The following SHC3 variants were observed in gnomAD, a reference collection of about 807,000 sequenced individuals.
SHC3 encodes the protein SHC-transforming protein 3.
A neutral mutation model predicts 60.4 loss-of-function variants in SHC3; 15 were observed. The ratio of observed to expected loss-of-function variants is 0.25; its 90% confidence interval spans 0.17 to 0.38. The LOEUF (loss-of-function observed/expected upper bound fraction) is 0.38. Ranked by LOEUF, SHC3 falls within the 10% of genes least tolerant of loss-of-function variation. The pLI is 1.00. For synonymous variants in SHC3, 294 were observed against 325.9 expected, an observed-to-expected ratio of 0.90 and a Z score of 1.05; for missense variants, 677 against 786.1, an observed-to-expected ratio of 0.86 and a Z score of 1.66.
At chr9:89,152,331 C>T (rs765078072) in intron 1 of SHC3, among the ~76,000 whole-genome samples, 19 of 152,210 alleles carry the variant, frequency 1.2e-4, no homozygotes, top group Non-Finnish European at 1.9e-4. Context: ...AATTACCATG[C>T]ACTGTAAAAA....
intron 10 of SHC3, among the ~76,000 whole-genome samples, chr9:89,041,599 T>C (rs1207702254): frequency 6.6e-6 from 1 of 152,206 alleles, no homozygotes; most frequent in Non-Finnish European, 1.5e-5. Flanking sequence ...TGTGTTGCAA[T>C]TTCTTGCCTA....
Position 89,082,224 on chromosome 9 carries a change from G to A in SHC3, c.546-4321C>T, listed in dbSNP as rs774153975. 6.5e-4 allele frequency among the ~76,000 whole-genome samples: 99 copies of A among 152,222 alleles called. 1 individual carries two copies. Among genetic ancestry groups the A allele is most frequent in the Admixed American group, 4.6e-4 (7 of 15,292 alleles). ...AAGACTCCTCCCCAGGAGCAAGGAG[G>A]TACCCATGGGTGCAATGGACAGTGT... On this transcript the variant is annotated intron_variant, in intron 2 of 11. Coordinates refer to ENST00000375835, the MANE Select transcript of SHC3 (RefSeq NM_016848.6).
At chr9:89,176,385 T>C (rs942626288) in intron 1 of SHC3, among the ~76,000 whole-genome samples, 4 of 152,218 alleles carry the variant, frequency 2.6e-5, no homozygotes, top group African/African-American at 9.6e-5. Context: ...CTAAGCAAAG[T>C]GATTAAAACA....
In SHC3 at chr9:89,010,787, G is replaced by A. The variant is rs932443457; in HGVS notation, c.*2660C>T. 6.6e-6 allele frequency: 1 copy of A among 152,512 alleles called. No individual in the cohort carries two copies. The highest frequency in any genetic ancestry group is 1.5e-5 in the Non-Finnish European group (1 of 68,240). 9.4% of individuals were successfully genotyped at this position (152,512 alleles called of 1,614,324 possible). A position where few individuals can be genotyped will look rare whatever the true frequency, so the allele number is the denominator to read the frequency against. On this transcript the variant is annotated 3_prime_UTR_variant, in exon 12 of 12. Coordinates refer to ENST00000375835, the MANE Select transcript of SHC3 (RefSeq NM_016848.6). Reference sequence around the variant, plus strand: ...GGGAAGAGGGGCCCAGGCTAGACAGGGAGGAGCCTCCATTGCTTTTGCCTT... The same window carrying A: ...GGGAAGAGGGGCCCAGGCTAGACAGAGAGGAGCCTCCATTGCTTTTGCCTT...
chr9:89,139,380 G>C (rs1826361286), intron 1 of SHC3, among the ~76,000 whole-genome samples: 1 of 151,842 alleles, frequency 6.6e-6, no homozygotes, highest in Admixed American at 6.6e-5. Flanking sequence ...AGACTGTTTT[G>C]CTTTATTACA....
chr9:89,036,678 C>T (rs1260809851), intron 11 of SHC3, among the ~76,000 whole-genome samples: 1 of 152,148 alleles, frequency 6.6e-6, no homozygotes, highest in Admixed American at 6.5e-5. Flanking sequence ...ACAACATATA[C>T]AGTGGTGGAA....
chr9:89,042,079 G>C lies in SHC3; in HGVS notation c.1307C>G (p.Pro436Arg), dbSNP rs372171228. The C allele has an allele frequency of 3.7e-6, 6 of 1,605,226 alleles. No individual in the cohort carries two copies. The highest frequency in any genetic ancestry group is 3.5e-5 in the Admixed American group (2 of 57,372). ...NTQQIPPQAW[P>R]AAVSSAESSP... The stretch of plus-strand genomic sequence containing the variant: ...GCTCTCAGCACTGCTGACCGCAGCC[G>C]GCCAGGCCTGTGGTGGGATCTGCTG... Residue 436 changes from proline to arginine, a missense_variant, in exon 10 of 12, where the codon CCG becomes CGG. Physicochemically the swap from Pro to Arg is moderately radical, Grantham distance 103. Coordinates refer to ENST00000375835, the MANE Select transcript of SHC3 (RefSeq NM_016848.6).
At chr9:89,161,494 G>A (rs138607207) in intron 1 of SHC3, among the ~76,000 whole-genome samples, 50 of 152,262 alleles carry the variant, frequency 3.3e-4, no homozygotes, top group Non-Finnish European at 5.4e-4. Flanking sequence ...ACAGCAATGC[G>A]AGAATGGGCT....
chr9:89,115,146 A>T (rs906382912), intron 1 of SHC3, among the ~76,000 whole-genome samples: 6 of 152,214 alleles, frequency 3.9e-5, no homozygotes, highest in Non-Finnish European at 8.8e-5. Context: ...TATACGAATA[A>T]CATGACTGAC....
At chr9:89,090,841 C>T (rs929155453) in intron 2 of SHC3, among the ~76,000 whole-genome samples, 1 of 152,186 alleles carries the variant, frequency 6.6e-6, no homozygotes, top group Non-Finnish European at 1.5e-5. Flanking sequence ...AAATGAATAT[C>T]AGGGTTTGCT....
At chr9:89,164,981 T>A (rs1426443402) in intron 1 of SHC3, among the ~76,000 whole-genome samples, 1 of 152,206 alleles carries the variant, frequency 6.6e-6, no homozygotes, top group Admixed American at 6.5e-5. Context: ...AGTGGAAAGA[T>A]GAATATAGAA....
chr9:89,112,699 G>A lies in SHC3; in HGVS notation c.475-73C>T, dbSNP rs1356987396. The A allele has an allele frequency of 3.8e-6, 5 of 1,309,122 alleles. No individual in the cohort carries two copies. In the Admixed American group the frequency reaches 8.0e-5, roughly 21 times the overall value. 81.1% of individuals were successfully genotyped at this position (1,309,122 alleles called of 1,614,324 possible). On this transcript the variant is annotated intron_variant, in intron 1 of 11. Coordinates refer to ENST00000375835, the MANE Select transcript of SHC3 (RefSeq NM_016848.6). ...AGAGACAACTCCTAACTATACAAGGGCATTTTTGGGAGCCATACACATTTC... is the reference window on the plus strand; with the variant it reads ...AGAGACAACTCCTAACTATACAAGGACATTTTTGGGAGCCATACACATTTC...
chr9:89,160,778 G>GA (rs1826692883), intron 1 of SHC3, among the ~76,000 whole-genome samples: 1 of 152,206 alleles, frequency 6.6e-6, no homozygotes, highest in African/African-American at 2.4e-5. Context: ...GGAGAACACA[G>GA]AATTCAAGGG....
Position 89,077,854 on chromosome 9 carries a change from A to G in SHC3, c.595T>C (p.Phe199Leu). Reference protein sequence around the residue: ...CEAVPGAKGAFKKRKPPSKML... With the variant: ...CEAVPGAKGALKKRKPPSKML... ...GAGGACAGTACCTTTCTCTTCTTGA[A>G]GGCTCCCTTCGCACCAGGCACAGCT... The change falls in exon 3 of 12, where the codon TTC becomes CTC. Residue 199 changes from phenylalanine to leucine, a missense_variant. Physicochemically the swap from Phe to Leu is conservative, Grantham distance 22 (BLOSUM62 0). Transcript: ENST00000375835. 1 of 1,614,204 alleles carries G rather than the reference A, an allele frequency of 6.2e-7. No homozygotes were observed. Among genetic ancestry groups the G allele is most frequent in the South Asian group, 1.1e-5 (1 of 91,090 alleles).
intron 5 of SHC3, among the ~76,000 whole-genome samples, chr9:89,065,834 G>C (rs1461040668): frequency 6.6e-6 from 1 of 152,116 alleles, no homozygotes; most frequent in East Asian, 1.9e-4. Flanking sequence ...CTTCTAACCA[G>C]CTCCCATGTA....
rs1825963371 is a variant in SHC3, at chr9:89,112,486, T to C, written c.545+70A>G. Reference sequence around the variant, plus strand: ...GCCGGTCTTTTCTTCTAAAAATGTGTCAGCTGTTAATCTCTGAGATCCTTC... The same window carrying C: ...GCCGGTCTTTTCTTCTAAAAATGTGCCAGCTGTTAATCTCTGAGATCCTTC... On this transcript the variant is annotated intron_variant, in intron 2 of 11. Transcript: ENST00000375835. The C allele has an allele frequency of 3.9e-6, 6 of 1,540,212 alleles. No homozygotes were observed. The South Asian group carries it at 6.9e-5, about 18-fold the overall frequency.
chr9:89,086,276 G>A (rs907415686), intron 2 of SHC3, among the ~76,000 whole-genome samples: 1 of 151,672 alleles, frequency 6.6e-6, no homozygotes, highest in African/African-American at 2.4e-5. Context: ...CAGTCCCACA[G>A]GGGTAAAATA....
chr9:89,036,855 G>A (rs1281912501), intron 11 of SHC3, among the ~76,000 whole-genome samples: 1 of 151,808 alleles, frequency 6.6e-6, no homozygotes, highest in East Asian at 1.9e-4. Context: ...TCCCACCTCT[G>A]CCTCCTGAGT....
chr9:89,080,812 G>C (rs888713418), intron 2 of SHC3, among the ~76,000 whole-genome samples: 1 of 147,490 alleles, frequency 6.8e-6, no homozygotes, highest in Non-Finnish European at 1.5e-5. Context: ...TTTCACCCAG[G>C]CTGGACTGCA....
Sources: gnomAD v4.1 joint callset for allele counts (sites outside exome capture counted in the v4.1 genomes callset) on GRCh38, gnomAD v4.1.1 for gene constraint, MANE v1.5 for transcripts, NCBI Gene and HGNC (gene_info 2026-07-23, HGNC 2026-07-21) for gene names.